The following SLC17A4 variants were observed in gnomAD, a reference collection of about 807,000 sequenced individuals.
The protein encoded by SLC17A4 is probable small intestine urate exporter.
Under a neutral mutation model 52.5 loss-of-function variants are expected in SLC17A4, and 33 were observed. The ratio of observed to expected loss-of-function variants is 0.63; its 90% CI spans 0.48 to 0.84. The LOEUF (loss-of-function observed/expected upper bound fraction) is 0.84. SLC17A4 is among the 40% of genes least tolerant of loss of function. The probability of loss-of-function intolerance (pLI) is 0.00; values close to 1 mark genes in which losing one functional copy is unlikely to be tolerated. For synonymous variants in SLC17A4, 225 were observed against 216.2 expected, an observed-to-expected ratio of 1.04 and a Z score of -0.36; for missense variants, 585 against 597.1, an observed-to-expected ratio of 0.98 and a Z score of 0.21.
At chr6:25,773,895 T>A (rs1022024515) in intron 8 of SLC17A4, among the ~76,000 whole-genome samples, 13 of 152,158 alleles carry the variant, frequency 8.5e-5, no homozygotes, top group African/African-American at 3.1e-4. Flanking sequence ...CTAGTTTGAT[T>A]TTCATACACT....
At position 25,776,598 on chromosome 6, in the gene SLC17A4, G is replaced by A. The variant is rs1445435220; in HGVS notation, c.991G>A (p.Gly331Arg). 1.2e-6 allele frequency: 2 copies of A among 1,602,388 alleles called. No homozygotes were observed. Among genetic ancestry groups the A allele is most frequent in the East Asian group, 2.2e-5 (1 of 44,846 alleles). ...SVLQANLRDS[G>R]ILSALPFVVG... Reference sequence around the variant, plus strand: ...TGACCTAGTCTCTGGTCCTCAGAGTGGGATCCTGTCTGCCTTGCCGTTTGT... The same window carrying A: ...TGACCTAGTCTCTGGTCCTCAGAGTAGGATCCTGTCTGCCTTGCCGTTTGT... Residue 331 changes from glycine to arginine, a missense_variant, in exon 9 of 12, where the codon GGG (glycine) becomes AGG (arginine). Transcript: ENST00000377905.
intron 8 of SLC17A4, 21 bp from the exon 9 acceptor site, chr6:25,776,574 G>T (rs762368258): frequency 1.9e-6 from 3 of 1,584,740 alleles, no homozygotes; most frequent in Non-Finnish European, 2.6e-6. Context: ...ACATGCACCT[G>T]ACCTAGTCTC....
Position 25,779,227 on chromosome 6 carries a change from A to G in SLC17A4, c.*39A>G. The stretch of plus-strand genomic sequence containing the variant: ...TGTGCTAGATCCTGGTGCTTAGTTC[A>G]TCATTGTTTTCCCTCACAGACATTT... On this transcript the variant is annotated 3_prime_UTR_variant, in exon 12 of 12. Transcript: ENST00000377905. The G allele has an allele frequency of 1.2e-6, 2 of 1,608,836 alleles. No individual in the cohort carries two copies. Among genetic ancestry groups the G allele is most frequent in the Non-Finnish European group, 1.7e-6 (2 of 1,176,964 alleles).
intron 1 of SLC17A4, among the ~76,000 whole-genome samples, chr6:25,758,702 T>G (rs1761243579): frequency 6.6e-6 from 1 of 151,990 alleles, no homozygotes; most frequent in African/African-American, 2.4e-5. Context: ...TTAGTGTCGC[T>G]GATGGTCTGG....
rs750339003 is a variant in SLC17A4 at position 25,777,911 on chromosome 6, ATC to A, written c.1269-4_1269-3del. On this transcript the variant is annotated splice_polypyrimidine_tract_variant and intron_variant, in intron 10 of 11. Coordinates refer to ENST00000377905, the MANE Select transcript of SLC17A4 (RefSeq NM_005495.3). ...GTATACTTGGTTATAATAGAGTACC[ATC>A]TCTCTCTCTCAGGTACACTGGCTTT... The A allele has an allele frequency of 3.3e-5, 53 of 1,582,758 alleles. No individual in the cohort carries two copies. The highest frequency in any genetic ancestry group is 4.4e-5 in the South Asian group (4 of 90,140).
chr6:25,755,080 CACAG>C (rs887802953), intron 1 of SLC17A4, among the ~76,000 whole-genome samples: 1 of 143,452 alleles, frequency 7.0e-6, no homozygotes, highest in Admixed American at 7.1e-5. Flanking sequence ...CACACACACA[CACAG>C]AGGAAGAAAG....
chr6:25,768,273 GA>G (rs1449270631), intron 2 of SLC17A4: 14 of 648,918 alleles, frequency 2.2e-5, no homozygotes, highest in Non-Finnish European at 2.5e-5. Context: ...TCCCTTTCAG[GA>G]ACCAAGAAAA....
At chr6:25,771,889 AT>A (rs1181051075) in intron 6 of SLC17A4, among the ~76,000 whole-genome samples, 2 of 152,160 alleles carry the variant, frequency 1.3e-5, no homozygotes, top group African/African-American at 4.8e-5. Context: ...CAGAGGCAGT[AT>A]TTTACTACGT....
chr6:25,777,606 C>CAAA (rs1010031410), intron 10 of SLC17A4: 24 of 197,500 alleles, frequency 1.2e-4, no homozygotes, highest in African/African-American at 5.6e-4. Flanking sequence ...ACAACAACAA[C>CAAA]AAAAACCTTA....
chr6:25,763,048 T>C (rs1437275437), intron 2 of SLC17A4, among the ~76,000 whole-genome samples: 1 of 152,214 alleles, frequency 6.6e-6, no homozygotes, highest in Non-Finnish European at 1.5e-5. Flanking sequence ...TTGCCATTTA[T>C]GAGCTCATTA....
chr6:25,759,664 C>A (rs1206814809), intron 1 of SLC17A4, among the ~76,000 whole-genome samples: 1 of 152,072 alleles, frequency 6.6e-6, no homozygotes, highest in Non-Finnish European at 1.5e-5. Context: ...AAAAACAAAA[C>A]AAAAACAAAC....
At chr6:25,764,490 A>G (rs1302940821) in intron 2 of SLC17A4, among the ~76,000 whole-genome samples, 1 of 152,236 alleles carries the variant, frequency 6.6e-6, no homozygotes, top group East Asian at 1.9e-4. Context: ...GATTGAAACT[A>G]AGGAATTATT....
chr6:25,770,954 A>G lies in SLC17A4; in HGVS notation c.648A>G (p.Leu216=), dbSNP rs1296280617. ...CAATGCTGGGGTCCTTCATTGTTCT[A>G]CTTGCTGGTGGTCTCCTCTGCCAGA... is the stretch of plus-strand genomic sequence containing the variant. ...SGSMLGSFIV[L]LAGGLLCQTI... is the part of the protein sequence containing the mutation. Residue 216 remains leucine (L), a synonymous_variant, in exon 6 of 12, where the codon CTA becomes CTG. Coordinates refer to ENST00000377905, the MANE Select transcript of SLC17A4 (RefSeq NM_005495.3). 3.1e-6 allele frequency: 5 copies of G among 1,613,692 alleles called. No individual in the cohort carries two copies. The African/African-American group carries it at 4.0e-5, about 13-fold the overall frequency.
intron 8 of SLC17A4, 33 bp downstream of exon 8, chr6:25,773,707 G>A: frequency 6.3e-7 from 1 of 1,598,326 alleles, no homozygotes; most frequent in Middle Eastern, 1.7e-4. Flanking sequence ...CTGATCTTCT[G>A]TTTAAATGCT....
chr6:25,772,525 G>T (rs1454150607), intron 6 of SLC17A4, among the ~76,000 whole-genome samples: 2 of 152,090 alleles, frequency 1.3e-5, no homozygotes, highest in African/African-American at 4.8e-5. Context: ...ATTTGAAGAT[G>T]GGCCATATTT....
intron 2 of SLC17A4, among the ~76,000 whole-genome samples, chr6:25,765,724 A>G (rs575224825): frequency 6.6e-5 from 10 of 152,254 alleles, no homozygotes; most frequent in Admixed American, 5.9e-4. Flanking sequence ...AAGGAAGAAA[A>G]CAAAGATTGT....
At chr6:25,768,843 C>G in intron 2 of SLC17A4, 142 bp from the exon 3 acceptor site, 1 of 770,454 alleles carries the variant, frequency 1.3e-6, no homozygotes. Context: ...GAACAAAATT[C>G]CACTACACAC....
At chr6:25,765,242 TTA>T (rs1422567663) in intron 2 of SLC17A4, among the ~76,000 whole-genome samples, 8 of 152,248 alleles carry the variant, frequency 5.3e-5, no homozygotes, top group Non-Finnish European at 8.8e-5. Flanking sequence ...TAACAGTTCA[TTA>T]TATAGCTGTC....
chr6:25,776,399 C>CT lies in SLC17A4; in HGVS notation c.988-186dup, dbSNP rs373981085. On this transcript the variant is annotated intron_variant, in intron 8 of 11. Coordinates refer to ENST00000377905, the MANE Select transcript of SLC17A4 (RefSeq NM_005495.3). ...TTTTATATATAAAGAGAGCCTTGTT[C>CT]TTTTTTTTTTGCAAGCAGAGCTATG... is the stretch of plus-strand genomic sequence containing the variant. 2.8e-3 allele frequency among the ~76,000 whole-genome samples: 410 copies of CT among 143,954 alleles called. 1 individual carries two copies. The highest frequency in any genetic ancestry group is 0.011 in the Middle Eastern group (3 of 274). The allele number at this position is 143,954 out of a possible 152,430, so 94.4% of individuals were successfully genotyped here.
Sources: allele counts gnomAD v4.1 joint callset (sites outside exome capture counted in the v4.1 genomes callset), GRCh38; gene constraint gnomAD v4.1.1; transcripts MANE v1.5; gene names NCBI Gene and HGNC (gene_info 2026-07-23, HGNC 2026-07-21).